AACS: variants seen among roughly 807,000 people sequenced by gnomAD.
AACS encodes acetoacetyl-CoA synthetase.
AACS carries 69 observed loss-of-function variants against 83.1 expected under a neutral mutation model. The observed-to-expected ratio is 0.83, with a 90% CI of 0.68 to 1.01. The LOEUF (loss-of-function observed/expected upper bound fraction) is 1.01, where lower values mean the gene tolerates loss of function less well. AACS is among the 50% of genes least tolerant of loss of function. The pLI, the probability that AACS is intolerant of heterozygous loss-of-function variation, is 0.00. For missense variants in AACS, 866 were observed against 882.2 expected (o/e 0.98, Z 0.23); for synonymous variants, 333 against 343.4 (o/e 0.97, Z 0.33).
In AACS at chr12:125,134,869, C is replaced by T. The variant is rs1453954838; in HGVS notation, c.1678+17C>T. The T allele has an allele frequency of 1.2e-6, 2 of 1,614,046 alleles. No individual in the cohort carries two copies. Among genetic ancestry groups the T allele is most frequent in the South Asian group, 1.1e-5 (1 of 91,044 alleles). On this transcript the variant is annotated intron_variant, in intron 16 of 17. Coordinates refer to ENST00000316519, the MANE Select transcript of AACS (RefSeq NM_023928.5). ...ATAACATTGGTACGTGCTTCCCCTC[C>T]CTGAGCGTTCTCCAGTCTCCAGGAA...
At chr12:125,128,488 G>A in intron 13 of AACS, 1 of 423,796 alleles carries the variant, frequency 2.4e-6, no homozygotes. Flanking sequence ...GGGTCGAGCT[G>A]GAGGACAGGT....
At position 125,140,757 on chromosome 12, in the gene AACS, T is replaced by G. The variant is rs1957474922; in HGVS notation, c.1882-1335T>G. The G allele has an allele frequency of 6.6e-6, 1 of 152,112 alleles. No individual in the cohort carries two copies. Among genetic ancestry groups the G allele is most frequent in the Non-Finnish European group, 1.5e-5 (1 of 68,022 alleles). 9.4% of individuals were successfully genotyped at this position (152,112 alleles called of 1,614,324 possible). ...GTGCCATAAATCTTGGAGCTCTGAA[T>G]GTTTGGAAAGGGCCCGACTGTGAGA... On this transcript the variant is annotated intron_variant, in intron 17 of 17. Coordinates refer to ENST00000316519, the MANE Select transcript of AACS (RefSeq NM_023928.5). This position sits in a 1 kb window ranked among gnomAD's most constrained non-coding sequence, Gnocchi z 5.1.
intron 14 of AACS, among the ~76,000 whole-genome samples, chr12:125,131,408 C>T (rs1957327217): frequency 6.6e-6 from 1 of 152,008 alleles, no homozygotes; most frequent in Admixed American, 6.6e-5. Context: ...GATGAGGTCC[C>T]TCTATGTTGA....
chr12:125,089,657 C>G (rs1038067800), intron 4 of AACS, among the ~76,000 whole-genome samples: 2 of 152,086 alleles, frequency 1.3e-5, no homozygotes, highest in African/African-American at 4.8e-5. Flanking sequence ...ATCCATCCAA[C>G]CAACCATCCA....
Position 125,094,401 on chromosome 12 carries a change from C to T in AACS, c.570+2878C>T, listed in dbSNP as rs1956557897. 6.6e-6 allele frequency among the ~76,000 whole-genome samples: 1 copy of T among 152,188 alleles called. No homozygotes were observed. Among genetic ancestry groups the T allele is most frequent in the South Asian group, 2.1e-4 (1 of 4,832 alleles). The stretch of plus-strand genomic sequence containing the variant: ...GTAAAGGGAAATTGCCACTCTCCTA[C>T]AAATCCTGTGTTGACTTCTGGTCTC... On this transcript the variant is annotated intron_variant, in intron 5 of 17. Transcript: ENST00000316519. The surrounding 1 kb of genome is among the most constrained non-coding windows in gnomAD (Gnocchi z 4.1).
chr12:125,107,002 C>A, intron 7 of AACS, 119 bp from the exon 8 acceptor site: 1 of 1,461,478 alleles, frequency 6.8e-7, no homozygotes. Context: ...GCCACCGTCC[C>A]CCTGGAATCC....
chr12:125,101,858 C>T (rs1404605258), intron 5 of AACS: 1 of 150,082 alleles, frequency 6.7e-6, no homozygotes, highest in South Asian at 2.1e-4. Context: ...CCTCTGCCTC[C>T]TGGGTTCAAG....
At chr12:125,138,685 A>T (rs1957434063) in intron 17 of AACS, 1 of 152,036 alleles carries the variant, frequency 6.6e-6, no homozygotes, top group African/African-American at 2.4e-5. Flanking sequence ...CGTCCAGGGC[A>T]CCCAGCTGGG....
intron 8 of AACS, among the ~76,000 whole-genome samples, chr12:125,108,464 C>T (rs57491100): frequency 0.25 from 37,863 of 152,092 alleles, 5,466 homozygotes; most frequent in East Asian, 0.45. Flanking sequence ...CTTTTAAAGG[C>T]CCATTTAGTC....
chr12:125,122,605 T>C (rs1489407995), intron 10 of AACS: 1 of 147,006 alleles, frequency 6.8e-6, no homozygotes, highest in Non-Finnish European at 1.5e-5. Context: ...ATCACCCCAC[T>C]GTACTCCAGC....
In AACS at chr12:125,097,337, A is replaced by G. The variant is rs1014774442; in HGVS notation, c.571-5342A>G. On this transcript the variant is annotated intron_variant, in intron 5 of 17. Coordinates refer to ENST00000316519, the MANE Select transcript of AACS (RefSeq NM_023928.5). This position sits in a 1 kb window ranked among gnomAD's most constrained non-coding sequence, Gnocchi z 4.3. ...GGAGGGAGGAGGTGGACGGTGACCG[A>G]AGGCCTGATGTCCTGAGGCCAGGGG... Among the ~76,000 whole-genome samples the G allele has an allele frequency of 6.6e-6, 1 of 151,910 alleles. No homozygotes were observed. Among genetic ancestry groups the G allele is most frequent in the Non-Finnish European group, 1.5e-5 (1 of 67,986 alleles).
intron 9 of AACS, among the ~76,000 whole-genome samples, chr12:125,116,889 C>G (rs1201163891): frequency 6.7e-6 from 1 of 150,130 alleles, no homozygotes; most frequent in African/African-American, 2.5e-5. Flanking sequence ...CCCTTCCCCT[C>G]CCTACCTCTC....
intron 4 of AACS, among the ~76,000 whole-genome samples, chr12:125,087,976 T>C (rs1236116551): frequency 6.6e-6 from 1 of 152,174 alleles, no homozygotes; most frequent in Non-Finnish European, 1.5e-5. Flanking sequence ...TCAGAGGCCG[T>C]TCCTGGTTAG....
intron 10 of AACS, chr12:125,121,108 C>T (rs550067734): frequency 2.6e-5 from 4 of 152,398 alleles, no homozygotes; most frequent in South Asian, 2.1e-4. Context: ...GAGGTGTGGT[C>T]GTGCTGTCGC....
chr12:125,104,697 T>C (rs1956794583), intron 7 of AACS, among the ~76,000 whole-genome samples: 1 of 152,196 alleles, frequency 6.6e-6, no homozygotes, highest in African/African-American at 2.4e-5. Flanking sequence ...GGTCTCCAGA[T>C]CCGACTTGTC....
chr12:125,133,699 C>T (rs1028484611), intron 14 of AACS, among the ~76,000 whole-genome samples: 2 of 152,258 alleles, frequency 1.3e-5, no homozygotes, highest in African/African-American at 4.8e-5. Context: ...TCCAGACACT[C>T]CTGTTGACCC....
intron 12 of AACS, chr12:125,126,622 CAGCCTGG>C (rs1957249192): frequency 1.3e-5 from 2 of 151,710 alleles, no homozygotes; most frequent in Non-Finnish European, 2.9e-5. Flanking sequence ...CTCTGTTGCC[CAGCCTGG>C]AGTGCACACT....
In AACS at chr12:125,113,005, T is replaced by G. The variant is rs1223633993; in HGVS notation, c.916-1472T>G. ...ATGGGAATACAATTCAAGATGAGAT[T>G]TGGATGCAGACTTGGAGCCAAACCA... On this transcript the variant is annotated intron_variant, in intron 8 of 17. Coordinates refer to ENST00000316519, the MANE Select transcript of AACS (RefSeq NM_023928.5). This position sits in a 1 kb window ranked among gnomAD's most constrained non-coding sequence, Gnocchi z 4.8. 6.6e-6 allele frequency among the ~76,000 whole-genome samples: 1 copy of G among 152,196 alleles called. No homozygotes were observed. Among genetic ancestry groups the G allele is most frequent in the East Asian group, 1.9e-4 (1 of 5,196 alleles).
At chr12:125,078,182 G>A (rs1956077749) in intron 3 of AACS, 1 of 456,224 alleles carries the variant, frequency 2.2e-6, no homozygotes, top group Admixed American at 2.3e-5. Context: ...TGCCATCGTG[G>A]GAAGGACCAG....
Sources: gnomAD v4.1 joint callset for allele counts (sites outside exome capture counted in the v4.1 genomes callset) on GRCh38, gnomAD v4.1.1 for gene constraint, Gnocchi (gnomAD v3.1) non-coding constraint, MANE v1.5 for transcripts, NCBI Gene and HGNC (gene_info 2026-07-23, HGNC 2026-07-21) for gene names.